MAPDA: variants seen among roughly 807,000 people sequenced by gnomAD.
MAPDA encodes the protein N6-Methyl-AMP deaminase.
the MAPDA span, chr15:43,349,364 T>A: frequency 1.0e-6 from 1 of 999,134 alleles, no homozygotes; most frequent in East Asian, 5.4e-5. Context: ...TTGACATGTG[T>A]TATGAAAATA....
At chr15:43,351,102 A>G in the MAPDA span, 3 of 1,437,370 alleles carry the variant, frequency 2.1e-6, no homozygotes, top group South Asian at 1.2e-5. Context: ...ATTAATTCAG[A>G]TGTTCACTAT....
the MAPDA span, chr15:43,330,775 G>A: frequency 5.7e-6 from 2 of 349,388 alleles, no homozygotes; most frequent in Non-Finnish European, 5.2e-6. Context: ...GAGTGTTAGG[G>A]AAGGCGGGTT....
chr15:43,344,453 C>T, the MAPDA span, among the ~76,000 whole-genome samples: 40,406 of 151,948 alleles, frequency 0.27, 8,600 homozygotes, highest in African/African-American at 0.58. Context: ...GAATTTATTT[C>T]GTCAATAAAT....
the MAPDA span, among the ~76,000 whole-genome samples, chr15:43,341,757 G>T: frequency 6.6e-6 from 1 of 152,154 alleles, no homozygotes; most frequent in African/African-American, 2.4e-5. Context: ...CTTAAAAAAG[G>T]TCTCTTGAAA....
At chr15:43,351,829 T>C in the MAPDA span, 2 of 1,551,698 alleles carry the variant, frequency 1.3e-6, no homozygotes, top group East Asian at 2.4e-5. Flanking sequence ...TTTGACCCAG[T>C]CTCAGGTGTG....
the MAPDA span, among the ~76,000 whole-genome samples, chr15:43,331,694 T>C: frequency 2.0e-5 from 3 of 152,226 alleles, no homozygotes; most frequent in East Asian, 5.8e-4. Context: ...ATTTGGTGTT[T>C]AAAAGCTCAT....
chr15:43,348,235 CATG>C, the MAPDA span, among the ~76,000 whole-genome samples: 2 of 152,218 alleles, frequency 1.3e-5, no homozygotes, highest in African/African-American at 4.8e-5. Context: ...CAGAATCAAA[CATG>C]ATGAGCACAC....
At chr15:43,349,434 G>C in the MAPDA span, 1 of 746,182 alleles carries the variant, frequency 1.3e-6, no homozygotes, top group African/African-American at 1.9e-5. Context: ...CATGTCTGTT[G>C]ATCATTACAC....
At chr15:43,333,948 A>C in the MAPDA span, among the ~76,000 whole-genome samples, 7 of 152,220 alleles carry the variant, frequency 4.6e-5, no homozygotes, top group Non-Finnish European at 1.0e-4. Flanking sequence ...TTGATTTATC[A>C]CCTACAGTGT....
the MAPDA span, among the ~76,000 whole-genome samples, chr15:43,348,586 ATTAC>A: frequency 6.6e-6 from 1 of 152,136 alleles, no homozygotes; most frequent in African/African-American, 2.4e-5. Context: ...TTTTTTGAAA[ATTAC>A]TTAATTTTTC....
the MAPDA span, among the ~76,000 whole-genome samples, chr15:43,339,300 T>C: frequency 1.3e-5 from 2 of 152,240 alleles, no homozygotes; most frequent in Non-Finnish European, 2.9e-5. Context: ...ATTCTCAGAA[T>C]CTGGGTCTTT....
the MAPDA span, chr15:43,350,981 A>C: frequency 6.4e-7 from 1 of 1,551,672 alleles, no homozygotes; most frequent in Middle Eastern, 1.7e-4. Context: ...AGACAGTTCC[A>C]TCTTATGACC....
the MAPDA span, among the ~76,000 whole-genome samples, chr15:43,337,139 G>T: frequency 6.6e-6 from 1 of 151,740 alleles, no homozygotes; most frequent in Non-Finnish European, 1.5e-5. Context: ...AGCCGGGCAT[G>T]GTGGCGGGTG....
the MAPDA span, chr15:43,346,082 C>T: frequency 6.9e-7 from 1 of 1,446,508 alleles, no homozygotes; most frequent in Non-Finnish European, 9.5e-7. Context: ...GAGTGTCCAA[C>T]AGACACTCCA....
the MAPDA span, chr15:43,351,937 CAT>C: frequency 6.5e-7 from 1 of 1,550,062 alleles, no homozygotes; most frequent in African/African-American, 1.4e-5. Context: ...CAGAGTGTTA[CAT>C]ATTTAAGCTA....
chr15:43,346,958 C>T, the MAPDA span: 4 of 1,302,850 alleles, frequency 3.1e-6, no homozygotes, highest in African/African-American at 1.5e-5. Flanking sequence ...ATGGAGTACT[C>T]AGTTCCTCAG....
chr15:43,339,632 G>A, the MAPDA span, among the ~76,000 whole-genome samples: 2 of 152,172 alleles, frequency 1.3e-5, no homozygotes, highest in African/African-American at 2.4e-5. Context: ...ATTGAAGGCA[G>A]AAAGGAAAAA....
At chr15:43,334,008 G>A in the MAPDA span, among the ~76,000 whole-genome samples, 70 of 152,356 alleles carry the variant, frequency 4.6e-4, 2 homozygotes, top group South Asian at 1.9e-3. Context: ...CAAAGGACCT[G>A]TCCTCAAGGA....
the MAPDA span, chr15:43,351,792 G>A: frequency 5.2e-5 from 81 of 1,551,498 alleles, 1 homozygote; most frequent in East Asian, 7.3e-4. Context: ...TTTCTCAAGA[G>A]TACCAGCTGG....
Sources: gnomAD v4.1 joint callset for allele counts (sites outside exome capture counted in the v4.1 genomes callset) on GRCh38, gnomAD v4.1.1 for gene constraint, MANE v1.5 for transcripts, NCBI Gene and HGNC (gene_info 2026-07-23, HGNC 2026-07-21) for gene names.